The following TDRD6 variants were observed in gnomAD, a reference collection of about 807,000 sequenced individuals.
TDRD6 encodes the protein tudor domain-containing protein 6.
Under a neutral mutation model 157.5 loss-of-function variants are expected in TDRD6, and 186 were observed. The ratio of observed to expected loss-of-function variants is 1.18; its 90% CI spans 1.05 to 1.33. The LOEUF (loss-of-function observed/expected upper bound fraction) is 1.33. Ranked by LOEUF, TDRD6 falls within the 40% of genes most tolerant of loss-of-function variation. The pLI is 0.00. For missense variants in TDRD6, 3,066 were observed against 2,508.0 expected (o/e 1.22, Z -4.75); for synonymous variants, 1,075 against 945.2 (o/e 1.14, Z -2.52).
upstream of TDRD6, among the ~76,000 whole-genome samples, chr6:46,684,365 T>TTGTGTGTG (rs56327636): frequency 2.2e-3 from 317 of 147,084 alleles, 5 homozygotes; most frequent in South Asian, 0.014. Context: ...AAGCACACAT[T>TTGTGTGTG]TGTGTGTGTG....
upstream of TDRD6, among the ~76,000 whole-genome samples, chr6:46,686,051 C>T (rs1377443827): frequency 6.6e-6 from 1 of 152,032 alleles, no homozygotes; most frequent in Non-Finnish European, 1.5e-5. Flanking sequence ...GTAAAGGATT[C>T]AGATCAGCCC....
rs1283524065 is a variant in TDRD6 at position 46,693,969 on chromosome 6, A to G, written c.5841A>G (p.Glu1947=). 8 of 1,613,670 alleles carry G rather than the reference A, an allele frequency of 5.0e-6. No individual in the cohort carries two copies. In the African/African-American group the frequency reaches 1.1e-4, roughly 22 times the overall value. The change falls in exon 1 of 4, where the codon GAA becomes GAG. Residue 1947 remains glutamate (E), a synonymous_variant. Coordinates refer to ENST00000316081, the MANE Select transcript of TDRD6 (RefSeq NM_001010870.3). ...ACATGAGAAAGTCAAGTTGTGTAGAATCTTTTGATGACCAGCGCAGGATGT... is the reference window on the plus strand; with the variant it reads ...ACATGAGAAAGTCAAGTTGTGTAGAGTCTTTTGATGACCAGCGCAGGATGT... The part of the protein sequence containing the change: ...TEDMRKSSCV[E]SFDDQRRMSL...
Position 46,688,248 on chromosome 6 carries a change from G to T in TDRD6, c.120G>T (p.Arg40=). 6.6e-7 allele frequency: 1 copy of T among 1,518,660 alleles called. No individual in the cohort carries two copies. Among genetic ancestry groups the T allele is most frequent in the Non-Finnish European group, 8.8e-7 (1 of 1,140,222 alleles). 94.1% of individuals were successfully genotyped at this position (1,518,660 alleles called of 1,614,324 possible). ...VQLWGLVGER[R]GEYLRLSREI... ...TGTGGGGGCTGGTGGGCGAGCGGCGGGGCGAGTACCTGCGGCTGAGCCGGG... is the reference window on the plus strand; with the variant it reads ...TGTGGGGGCTGGTGGGCGAGCGGCGTGGCGAGTACCTGCGGCTGAGCCGGG... The change falls in exon 1 of 4, where the codon CGG becomes CGT. Residue 40 remains arginine (R), a synonymous_variant. Transcript: ENST00000316081.
Position 46,691,108 on chromosome 6 carries a change from C to A in TDRD6, c.2980C>A (p.His994Asn), listed in dbSNP as rs776755457. 5.0e-6 allele frequency: 8 copies of A among 1,613,774 alleles called. No homozygotes were observed. The highest frequency in any genetic ancestry group is 5.9e-6 in the Non-Finnish European group (7 of 1,179,928). ...IGSEELVYITHIDDPWTFYCQ... is the reference protein window; with the variant it reads ...IGSEELVYITNIDDPWTFYCQ... ...AAGTGAAGAATTAGTTTATATAACG[C>A]ATATTGATGACCCTTGGACATTTTA... Residue 994 changes from histidine to asparagine, a missense_variant, in exon 1 of 4, where the codon CAT becomes AAT. His to Asn is a moderately conservative substitution (Grantham distance 68). Coordinates refer to ENST00000316081, the MANE Select transcript of TDRD6 (RefSeq NM_001010870.3).
In TDRD6 at chr6:46,701,892, G is replaced by C. The variant is rs1421771332; in HGVS notation, c.*5G>C. The C allele has an allele frequency of 6.2e-7, 1 of 1,612,358 alleles. No individual in the cohort carries two copies. Among genetic ancestry groups the C allele is most frequent in the Non-Finnish European group, 8.5e-7 (1 of 1,178,804 alleles). ...TTGGAGGTGATGGAGATTTAACCGTGGATCTATAGCTGTGGCCAATCAGTC... is the reference window on the plus strand; with the variant it reads ...TTGGAGGTGATGGAGATTTAACCGTCGATCTATAGCTGTGGCCAATCAGTC... On this transcript the variant is annotated 3_prime_UTR_variant, in exon 4 of 4. Transcript: ENST00000316081.
intron 3 of TDRD6, among the ~76,000 whole-genome samples, chr6:46,701,505 A>G (rs1430556687): frequency 6.6e-6 from 1 of 152,174 alleles, no homozygotes; most frequent in Non-Finnish European, 1.5e-5. Context: ...ATTGAGAATA[A>G]AATCAGCTAA....
In TDRD6 at chr6:46,690,653, A is replaced by G. The variant is rs1325013769; in HGVS notation, c.2525A>G (p.Gln842Arg). The G allele has an allele frequency of 6.2e-7, 1 of 1,614,220 alleles. No homozygotes were observed. The highest frequency in any genetic ancestry group is 1.1e-5 in the South Asian group (1 of 91,078). Reference protein sequence around the residue: ...QWSRALISGIQSVEHVNVTFV... With the variant: ...QWSRALISGIRSVEHVNVTFV... ...TCCAGAGCACTTATTAGTGGGATACAGTCTGTGGAGCATGTCAATGTAACA... is the reference window on the plus strand; with the variant it reads ...TCCAGAGCACTTATTAGTGGGATACGGTCTGTGGAGCATGTCAATGTAACA... Residue 842 changes from glutamine to arginine, a missense_variant, in exon 1 of 4, where the codon CAG becomes CGG. Physicochemically the swap from Gln to Arg is conservative, Grantham distance 43. Coordinates refer to ENST00000316081, the MANE Select transcript of TDRD6 (RefSeq NM_001010870.3).
intron 3 of TDRD6, among the ~76,000 whole-genome samples, chr6:46,701,437 T>C (rs192787836): frequency 1.3e-5 from 2 of 152,282 alleles, no homozygotes; most frequent in East Asian, 3.9e-4. Context: ...ATTGGCTGGT[T>C]CTTGGTATTG....
chr6:46,687,861 G>C (rs554575858), upstream of TDRD6: 21 of 435,816 alleles, frequency 4.8e-5, no homozygotes, highest in East Asian at 8.8e-4. Flanking sequence ...GGCCGGAAGT[G>C]GCGGCGCCGA....
chr6:46,697,135 T>G (rs989716312), intron 2 of TDRD6, among the ~76,000 whole-genome samples: 1 of 152,136 alleles, frequency 6.6e-6, no homozygotes, highest in Admixed American at 6.5e-5. Context: ...TACTTTATAT[T>G]AAATGGACAT....
In TDRD6 at chr6:46,692,807, A is replaced by C. The variant is rs1232082075; in HGVS notation, c.4679A>C (p.Asp1560Ala). The change falls in exon 1 of 4, where the codon GAC becomes GCC. Residue 1560 changes from aspartate (D) to alanine (A), a missense_variant. Physicochemically the swap from Asp to Ala is moderately radical, Grantham distance 126. Transcript: ENST00000316081. ...CAGACTGCTGGAGAACAGGTAGCAG[A>C]CAGGAGAAATTGTATCCCATGTCCT... ...EVQTAGEQVA[D>A]RRNCIPCPYI... 2 of 1,614,006 alleles carry C rather than the reference A, an allele frequency of 1.2e-6. No individual in the cohort carries two copies. The highest frequency in any genetic ancestry group is 3.3e-5 in the Admixed American group (2 of 59,996).
Position 46,702,859 on chromosome 6 carries a change from G to A in TDRD6, c.*972G>A, listed in dbSNP as rs1164028546. On this transcript the variant is annotated 3_prime_UTR_variant, in exon 4 of 4. Coordinates refer to ENST00000316081, the MANE Select transcript of TDRD6 (RefSeq NM_001010870.3). ...CAAATTATGTAATATTTTGAACTTT[G>A]ATCTTCATCTGTAAAGTGGTGATAA... 6.6e-6 allele frequency: 1 copy of A among 152,026 alleles called. No individual in the cohort carries two copies. The allele number at this position is 152,026 out of a possible 1,614,324, so 9.4% of individuals were successfully genotyped here.
In TDRD6 at chr6:46,690,184, C is replaced by T. The variant is rs755613783; in HGVS notation, c.2056C>T (p.His686Tyr). Residue 686 changes from histidine to tyrosine, a missense_variant, in exon 1 of 4, where the codon CAT becomes TAT. Coordinates refer to ENST00000316081, the MANE Select transcript of TDRD6 (RefSeq NM_001010870.3). ...NILVNAHSPG[H>Y]VSNHFTTESN... ...CCTGGTAAATGCCCACTCCCCAGGG[C>T]ATGTTTCAAACCACTTTACTACGGA... is the stretch of plus-strand genomic sequence containing the variant. 6.2e-7 allele frequency: 1 copy of T among 1,613,790 alleles called. No individual in the cohort carries two copies. The highest frequency in any genetic ancestry group is 1.1e-5 in the South Asian group (1 of 91,058).
Position 46,688,124 on chromosome 6 carries a change from T to G in TDRD6, c.-5T>G. 6.6e-7 allele frequency: 1 copy of G among 1,523,860 alleles called. No homozygotes were observed. The highest frequency in any genetic ancestry group is 1.4e-5 in the African/African-American group (1 of 70,526). The allele number at this position is 1,523,860 out of a possible 1,614,324, so 94.4% of individuals were successfully genotyped here. A position where few individuals can be genotyped will look rare whatever the true frequency, so the allele number is the denominator to read the frequency against. ...CGGAAGTGGGGGCCGCGCCGCGCCG[T>G]CAAGATGTGCTCGACGCCCGGAATG... On this transcript the variant is annotated 5_prime_UTR_variant, in exon 1 of 4. Coordinates refer to ENST00000316081, the MANE Select transcript of TDRD6 (RefSeq NM_001010870.3).
intron 2 of TDRD6, among the ~76,000 whole-genome samples, chr6:46,697,088 T>G (rs1478336905): frequency 6.6e-6 from 1 of 152,160 alleles, no homozygotes; most frequent in Non-Finnish European, 1.5e-5. Flanking sequence ...GGTTAAGTGT[T>G]TATGTACTCT....
At position 46,692,666 on chromosome 6, in the gene TDRD6, G is replaced by C. The variant is rs376216679; in HGVS notation, c.4538G>C (p.Trp1513Ser). 7 of 1,613,250 alleles carry C rather than the reference G, an allele frequency of 4.3e-6. No homozygotes were observed. The highest frequency in any genetic ancestry group is 5.9e-6 in the Non-Finnish European group (7 of 1,179,862). Residue 1513 changes from tryptophan to serine, a missense_variant, in exon 1 of 4, where the codon TGG becomes TCG. Physicochemically the swap from Trp to Ser is radical, Grantham distance 177. Transcript: ENST00000316081. ...ATTGACACTTCAGTATTTCTTAACT[G>C]GTATAATCCAGAAAAAAAAATGATA... ...SDIDTSVFLN[W>S]YNPEKKMIRA...
At chr6:46,680,324 G>A in the TDRD6 span, among the ~76,000 whole-genome samples, 5 of 149,642 alleles carry the variant, frequency 3.3e-5, no homozygotes, top group East Asian at 2.0e-4. Flanking sequence ...GACTCTGTCC[G>A]TGAAAGAAAA....
rs1764539695 is a variant in TDRD6, at chr6:46,698,009, T to C, written c.6183T>C (p.Leu2061=). The part of the protein sequence containing the change: ...TAEEGTRVLN[L]SNGMEEIVNP... ...GTTTTCTCCTGTAGGTTTTGAACCTTTCAAATGGTATGGAGGAGATAGTGA... is the reference window on the plus strand; with the variant it reads ...GTTTTCTCCTGTAGGTTTTGAACCTCTCAAATGGTATGGAGGAGATAGTGA... The change falls in exon 3 of 4, where the codon CTT becomes CTC. Residue 2061 remains leucine, a synonymous_variant. Coordinates refer to ENST00000316081, the MANE Select transcript of TDRD6 (RefSeq NM_001010870.3). 6 of 1,596,252 alleles carry C rather than the reference T, an allele frequency of 3.8e-6. No individual in the cohort carries two copies. Among genetic ancestry groups the C allele is most frequent in the African/African-American group, 1.3e-5 (1 of 74,760 alleles).
rs1453911032 is a variant in TDRD6, at chr6:46,690,093, C to T, written c.1965C>T (p.Asn655=). The change falls in exon 1 of 4, where the codon AAC becomes AAT. Residue 655 remains asparagine, a synonymous_variant. Transcript: ENST00000316081. ...ACGAATCAAGAACAGGGGAAGAAAA[C>T]ATTAGTAAGGTAATTGCCCAAGCTG... ...ILDESRTGEE[N]ISKVIAQAGY... is the part of the protein sequence containing the mutation. The T allele has an allele frequency of 1.2e-6, 2 of 1,613,864 alleles. No individual in the cohort carries two copies. The highest frequency in any genetic ancestry group is 1.7e-6 in the Non-Finnish European group (2 of 1,179,968).
Sources: gnomAD v4.1 joint callset for allele counts (sites outside exome capture counted in the v4.1 genomes callset) on GRCh38, gnomAD v4.1.1 for gene constraint, MANE v1.5 for transcripts, NCBI Gene and HGNC (gene_info 2026-07-23, HGNC 2026-07-21) for gene names.